The following KIF2A variants were observed in gnomAD, a reference collection of about 807,000 sequenced individuals.
The protein encoded by KIF2A is kinesin family member 2A, also known as kinesin-like protein KIF2A.
A neutral mutation model predicts 100.2 loss-of-function variants in KIF2A; 22 were observed. That is an observed-to-expected ratio of 0.22 (90% CI 0.16 to 0.31). KIF2A has a LOEUF of 0.31. Ranked by LOEUF, KIF2A falls within the 10% of genes least tolerant of loss-of-function variation. The pLI, the probability that KIF2A is intolerant of heterozygous loss-of-function variation, is 1.00. For missense variants in KIF2A, 495 were observed against 898.7 expected (o/e 0.55, Z 5.74); for synonymous variants, 268 against 285.9 (o/e 0.94, Z 0.63).
intron 1 of KIF2A, among the ~76,000 whole-genome samples, chr5:62,342,285 T>G (rs894189483): frequency 6.6e-6 from 1 of 152,086 alleles, no homozygotes. Flanking sequence ...CCTCCCAGAT[T>G]GTGATGGTGA....
At chr5:62,309,924 G>A (rs1745477761) in intron 1 of KIF2A, among the ~76,000 whole-genome samples, 1 of 151,958 alleles carries the variant, frequency 6.6e-6, no homozygotes, top group South Asian at 2.1e-4. Context: ...TATTATTCAT[G>A]AGACAGCATA....
intron 1 of KIF2A, among the ~76,000 whole-genome samples, chr5:62,338,432 A>G (rs891756879): frequency 2.0e-5 from 3 of 151,974 alleles, no homozygotes; most frequent in Non-Finnish European, 4.4e-5. Context: ...GGGATTACAG[A>G]CACCCACCAC....
chr5:62,352,855 T>A (rs111412347), intron 5 of KIF2A, 145 bp downstream of exon 5: 80 of 630,210 alleles, frequency 1.3e-4, no homozygotes, highest in African/African-American at 1.1e-3. Context: ...AAATTTAACT[T>A]CTTCTTATTA....
intron 7 of KIF2A, 116 bp from the exon 8 acceptor site, chr5:62,357,575 A>G (rs1748180641): frequency 6.2e-6 from 3 of 482,312 alleles, no homozygotes; most frequent in Non-Finnish European, 1.1e-5. Context: ...AAGCTTACCT[A>G]TCATTTATGC....
intron 17 of KIF2A, 100 bp downstream of exon 17, chr5:62,372,651 T>G: frequency 3.1e-6 from 2 of 650,402 alleles, no homozygotes; most frequent in Non-Finnish European, 5.1e-6. Flanking sequence ...TGAGCCATTT[T>G]AGTTTTCATT....
intron 1 of KIF2A, among the ~76,000 whole-genome samples, chr5:62,341,658 A>G (rs1278883807): frequency 6.6e-6 from 1 of 152,114 alleles, no homozygotes; most frequent in African/African-American, 2.4e-5. Context: ...TTTGGAGATT[A>G]AAGTTTCTGT....
chr5:62,308,367 T>C (rs1745409510), intron 1 of KIF2A: 1 of 1,484,974 alleles, frequency 6.7e-7, no homozygotes, highest in Non-Finnish European at 9.0e-7. Context: ...TTTTGAAGAT[T>C]CTGGGTGCAC....
Position 62,366,396 on chromosome 5 carries a change from A to ATTTTTT in KIF2A, c.1579-13_1579-8dup. The ATTTTTT allele has an allele frequency of 7.2e-7, 1 of 1,384,252 alleles. No homozygotes were observed. Among genetic ancestry groups the ATTTTTT allele is most frequent in the Non-Finnish European group, 9.9e-7 (1 of 1,012,900 alleles). The allele number at this position is 1,384,252 out of a possible 1,614,324, so 85.7% of individuals were successfully genotyped here. A position where few individuals can be genotyped will look rare whatever the true frequency, so the allele number is the denominator to read the frequency against. On this transcript the variant is annotated splice_polypyrimidine_tract_variant and intron_variant, in intron 15 of 20. Coordinates refer to ENST00000407818, the MANE Select transcript of KIF2A (RefSeq NM_001098511.3). The stretch of plus-strand genomic sequence containing the variant: ...TTTATAACATTTTGTTTACCTTTGC[A>ATTTTTT]TTTTTTTTTTCCTGTAGATTGCCAC...
chr5:62,334,851 C>T (rs542847667), intron 1 of KIF2A, among the ~76,000 whole-genome samples: 2 of 152,302 alleles, frequency 1.3e-5, no homozygotes, highest in Admixed American at 1.3e-4. Context: ...GCGCAGCCCT[C>T]AGGTGGGTAG....
intron 3 of KIF2A, among the ~76,000 whole-genome samples, chr5:62,349,345 T>C (rs61388866): frequency 0.087 from 13,285 of 151,870 alleles, 713 homozygotes; most frequent in African/African-American, 0.15. Context: ...TCAGTATTTT[T>C]AAAAATACTG....
intron 11 of KIF2A, among the ~76,000 whole-genome samples, chr5:62,361,749 T>C (rs975190394): frequency 1.3e-5 from 2 of 151,112 alleles, no homozygotes; most frequent in African/African-American, 4.9e-5. Flanking sequence ...AGGCTGGGTG[T>C]GGTGGTTCAT....
At chr5:62,351,868 A>G (rs941393509) in intron 4 of KIF2A, among the ~76,000 whole-genome samples, 2 of 152,090 alleles carry the variant, frequency 1.3e-5, no homozygotes, top group Non-Finnish European at 2.9e-5. Context: ...TAAAATTTAT[A>G]TTTTGCCGGG....
chr5:62,309,358 CTT>C (rs1745457522), intron 1 of KIF2A, among the ~76,000 whole-genome samples: 1 of 152,146 alleles, frequency 6.6e-6, no homozygotes, highest in Non-Finnish European at 1.5e-5. Flanking sequence ...GGTCATGTAT[CTT>C]TTTATGTGCC....
rs34685211 is a variant in KIF2A, at chr5:62,320,823, AT to A, written c.64+14296del. 6.8e-3 allele frequency among the ~76,000 whole-genome samples: 1,031 copies of A among 151,480 alleles called. 19 individuals carry two copies. The highest frequency in any genetic ancestry group is 0.024 in the African/African-American group (983 of 41,336). ...GCCCTTTAAAGTGCACAATTCAGTGATTTTTTTTTGGTATATTCATGAAGTT... is the reference window on the plus strand; with the variant it reads ...GCCCTTTAAAGTGCACAATTCAGTGATTTTTTTTGGTATATTCATGAAGTT... On this transcript the variant is annotated intron_variant, in intron 1 of 20. Coordinates refer to ENST00000407818, the MANE Select transcript of KIF2A (RefSeq NM_001098511.3).
chr5:62,348,145 C>G lies in KIF2A; in HGVS notation c.257C>G (p.Ala86Gly). The change falls in exon 3 of 21, where the codon GCC becomes GGC. Residue 86 changes from alanine to glycine, a missense_variant. Around this residue, in one of 10 missense-constraint regions of KIF2A, gnomAD observed 115 missense variants for 143.6 expected, o/e 0.80. Coordinates refer to ENST00000407818, the MANE Select transcript of KIF2A (RefSeq NM_001098511.3). ...PETPPPPASSAKVNKIVKNRR... is the reference protein window; with the variant it reads ...PETPPPPASSGKVNKIVKNRR... ...ACACCTCCACCTCCAGCATCCTCAG[C>G]CAAAGTAAACAAAATTGTAAAGGTT... is the stretch of plus-strand genomic sequence containing the variant. 1 of 1,613,616 alleles carries G rather than the reference C, an allele frequency of 6.2e-7. No individual in the cohort carries two copies. Among genetic ancestry groups the G allele is most frequent in the Non-Finnish European group, 8.5e-7 (1 of 1,179,752 alleles).
chr5:62,314,304 A>C (rs1251682226), intron 1 of KIF2A, among the ~76,000 whole-genome samples: 1 of 152,050 alleles, frequency 6.6e-6, no homozygotes, highest in African/African-American at 2.4e-5. Flanking sequence ...CTATTTCTAC[A>C]AAAAATAAAA....
chr5:62,341,976 C>T (rs917642255), intron 1 of KIF2A, among the ~76,000 whole-genome samples: 3 of 152,162 alleles, frequency 2.0e-5, no homozygotes, highest in Non-Finnish European at 2.9e-5. Flanking sequence ...ACCTCAACCA[C>T]GGCCTCTTCA....
intron 1 of KIF2A, among the ~76,000 whole-genome samples, chr5:62,334,537 C>G (rs1396794182): frequency 7.0e-6 from 1 of 143,248 alleles, no homozygotes; most frequent in Admixed American, 7.0e-5. Context: ...CCCTCTTCCT[C>G]TTCCTTCTCC....
intron 1 of KIF2A, among the ~76,000 whole-genome samples, chr5:62,328,036 C>T (rs1001320000): frequency 6.6e-6 from 1 of 152,198 alleles, no homozygotes; most frequent in Non-Finnish European, 1.5e-5. Flanking sequence ...TAGATAGCAT[C>T]GTTCAGTGTA....
Sources: allele counts gnomAD v4.1 joint callset (sites outside exome capture counted in the v4.1 genomes callset), GRCh38; gene constraint gnomAD v4.1.1; regional missense constraint gnomAD v4.1.1; transcripts MANE v1.5; gene names NCBI Gene and HGNC (gene_info 2026-07-23, HGNC 2026-07-21).